The following SPRTN variants were observed in gnomAD, a reference collection of about 807,000 sequenced individuals.
SPRTN encodes DNA-dependent metalloprotease SPRTN.
SPRTN carries 11 observed loss-of-function variants against 31.9 expected under a neutral mutation model. The ratio of observed to expected loss-of-function variants is 0.34; its 90% CI spans 0.22 to 0.57. The LOEUF is 0.57. Ranked by LOEUF, SPRTN falls within the 20% of genes least tolerant of loss-of-function variation. The pLI is 0.86. For synonymous variants in SPRTN, 185 were observed against 212.1 expected (o/e 0.87, Z 1.11); for missense variants, 482 against 590.1 (o/e 0.82, Z 1.90).
At position 231,352,804 on chromosome 1, in the gene SPRTN, G is replaced by A. The variant is rs1171404872; in HGVS notation, c.913G>A (p.Glu305Lys). The change falls in exon 5 of 5, where the codon GAA (glutamate) becomes AAA (lysine). Residue 305 changes from glutamate (E) to lysine (K), a missense_variant. Around this residue, in one of 2 missense-constraint regions of SPRTN, gnomAD observed 325 missense variants for 350.2 expected, o/e 0.93. Coordinates refer to ENST00000295050, the MANE Select transcript of SPRTN (RefSeq NM_032018.7). The part of the protein sequence containing the change: ...RPNSKIKVKF[E>K]QNGSSKNSHL... ...TAATTCTAAAATCAAGGTGAAATTTGAACAGAATGGTTCAAGTAAAAATTC... is the reference window on the plus strand; with the variant it reads ...TAATTCTAAAATCAAGGTGAAATTTAAACAGAATGGTTCAAGTAAAAATTC... 3 of 1,613,794 alleles carry A rather than the reference G, an allele frequency of 1.9e-6. No homozygotes were observed. The highest frequency in any genetic ancestry group is 4.5e-5 in the East Asian group (2 of 44,868).
chr1:231,352,300 T>G, intron 4 of SPRTN: 1 of 1,058,736 alleles, frequency 9.4e-7, no homozygotes, highest in South Asian at 4.2e-5. Context: ...AGATTTTCCC[T>G]CCTGGAATTA....
At chr1:231,348,251 C>G (rs113050225) in intron 3 of SPRTN, among the ~76,000 whole-genome samples, 1,597 of 152,270 alleles carry the variant, frequency 0.01, 27 homozygotes, top group African/African-American at 0.036. Flanking sequence ...CATCCTGTAT[C>G]CTGCTACCAT....
At chr1:231,345,046 T>C (rs932113360) in intron 2 of SPRTN, among the ~76,000 whole-genome samples, 4 of 152,164 alleles carry the variant, frequency 2.6e-5, no homozygotes, top group Non-Finnish European at 5.9e-5. Context: ...CTCCCCACCA[T>C]ACAAAATTTT....
intron 2 of SPRTN, among the ~76,000 whole-genome samples, chr1:231,344,180 G>A (rs1432654010): frequency 6.6e-6 from 1 of 152,096 alleles, no homozygotes; most frequent in Non-Finnish European, 1.5e-5. Flanking sequence ...AGAAACTTTT[G>A]CAGTACCTTT....
chr1:231,347,758 T>C (rs1687104362), intron 2 of SPRTN, 39 bp from the exon 3 acceptor site: 1 of 1,583,070 alleles, frequency 6.3e-7, no homozygotes, highest in Non-Finnish European at 8.5e-7. Context: ...CAAAGTGTCA[T>C]ACAGACTCTA....
Position 231,352,715 on chromosome 1 carries a change from C to T in SPRTN, c.824C>T (p.Ser275Leu), listed in dbSNP as rs1687276790. The T allele has an allele frequency of 6.2e-7, 1 of 1,614,104 alleles. No individual in the cohort carries two copies. The highest frequency in any genetic ancestry group is 8.5e-7 in the Non-Finnish European group (1 of 1,180,000). Residue 275 changes from serine (S) to leucine (L), a missense_variant, in exon 5 of 5, where the codon TCA (serine) becomes TTA (leucine). By Grantham distance (145) the Ser-to-Leu change is moderately radical. Coordinates refer to ENST00000295050, the MANE Select transcript of SPRTN (RefSeq NM_032018.7). ...CCTTCACCTGGGAAACTGATCACTT[C>T]ACATGCCATTAATAAAACCCAAGAT... ...NLPSPGKLIT[S>L]HAINKTQDLL...
intron 3 of SPRTN, among the ~76,000 whole-genome samples, chr1:231,349,403 T>C (rs1489164556): frequency 6.6e-6 from 1 of 152,170 alleles, no homozygotes; most frequent in African/African-American, 2.4e-5. Flanking sequence ...AGACATAAAA[T>C]CCGGGTTAGC....
intron 2 of SPRTN, among the ~76,000 whole-genome samples, chr1:231,345,453 T>C (rs2102867088): frequency 6.6e-6 from 1 of 152,356 alleles, no homozygotes; most frequent in East Asian, 1.9e-4. Context: ...TAATACGCTC[T>C]ATAGCTTTCT....
intron 2 of SPRTN, among the ~76,000 whole-genome samples, chr1:231,347,501 T>C (rs1371592103): frequency 2.6e-5 from 4 of 152,082 alleles, no homozygotes; most frequent in African/African-American, 4.8e-5. Context: ...TAGCTGGGAT[T>C]ACAGGCATGC....
At position 231,351,644 on chromosome 1, in the gene SPRTN, G is replaced by A. The variant is rs773316809; in HGVS notation, c.718+73G>A. ...TGTAAAGACAATACTGTCCTTCAGA[G>A]AACTGGTATTAAGATAAACTTAAGG... is the stretch of plus-strand genomic sequence containing the variant. On this transcript the variant is annotated intron_variant, in intron 4 of 4. Transcript: ENST00000295050. 3.2e-6 allele frequency: 5 copies of A among 1,556,658 alleles called. No homozygotes were observed. The Admixed American group carries it at 9.7e-5, about 30-fold the overall frequency.
Position 231,352,675 on chromosome 1 carries a change from G to T in SPRTN, c.784G>T (p.Glu262Ter). 2 of 1,613,746 alleles carry T rather than the reference G, an allele frequency of 1.2e-6. No homozygotes were observed. The highest frequency in any genetic ancestry group is 1.7e-6 in the Non-Finnish European group (2 of 1,179,856). Residue 262 changes from glutamate to a stop codon, truncating the protein, a stop_gained, in exon 5 of 5, where the codon GAA becomes TAA. Coordinates refer to ENST00000295050, the MANE Select transcript of SPRTN (RefSeq NM_032018.7). LOFTEE classifies it low-confidence loss of function (END_TRUNC). ...TAGTGGGAAAGGATATGTTCTAGGA[G>T]AAACAAGCAATTTACCTTCACCTGG... ...PFSGKGYVLG[E>*]TSNLPSPGKL... is the part of the protein sequence containing the mutation.
intron 2 of SPRTN, among the ~76,000 whole-genome samples, chr1:231,342,743 AT>A (rs1211481182): frequency 7.0e-6 from 1 of 143,270 alleles, no homozygotes; most frequent in Non-Finnish European, 1.5e-5. Flanking sequence ...ATATTTATTT[AT>A]TTTTTTTTTG....
chr1:231,344,643 A>G, intron 2 of SPRTN: 1 of 243,304 alleles, frequency 4.1e-6, no homozygotes, highest in South Asian at 4.8e-5. Context: ...TAAGACTAAA[A>G]TTCATTAATG....
rs184987420 is a variant in SPRTN at position 231,348,124 on chromosome 1, C to T, written c.450+199C>T. Among the ~76,000 whole-genome samples, 1,070 of 152,314 alleles carry T rather than the reference C, an allele frequency of 7.0e-3. 14 individuals carry two copies. Among genetic ancestry groups the T allele is most frequent in the African/African-American group, 0.025 (1,021 of 41,562 alleles). ...AGCAGAGCCAGTGATATCCCTGAGGCCTCTGACCTCTTCTGAGTCAACATT... is the reference window on the plus strand; with the variant it reads ...AGCAGAGCCAGTGATATCCCTGAGGTCTCTGACCTCTTCTGAGTCAACATT... On this transcript the variant is annotated intron_variant, in intron 3 of 4. Coordinates refer to ENST00000295050, the MANE Select transcript of SPRTN (RefSeq NM_032018.7).
In SPRTN at chr1:231,338,425, G is replaced by A. The variant is rs1310534914; in HGVS notation, c.42G>A (p.Glu14=). 1 of 1,614,304 alleles carries A rather than the reference G, an allele frequency of 6.2e-7. No homozygotes were observed. Among genetic ancestry groups the A allele is most frequent in the Non-Finnish European group, 8.5e-7 (1 of 1,180,054 alleles). ...DLMLALRLQE[E]WNLQEAERDH... Reference sequence around the variant, plus strand: ...TGTTGGCACTGCGGCTTCAGGAGGAGTGGAACTTGCAGGAGGCGGAGCGCG... The same window carrying A: ...TGTTGGCACTGCGGCTTCAGGAGGAATGGAACTTGCAGGAGGCGGAGCGCG... Residue 14 remains glutamate, a synonymous_variant, in exon 1 of 5, where the codon GAG becomes GAA. Coordinates refer to ENST00000295050, the MANE Select transcript of SPRTN (RefSeq NM_032018.7).
In SPRTN at chr1:231,339,768, G is replaced by T; in HGVS notation, c.222-1G>T. 1 of 1,614,080 alleles carries T rather than the reference G, an allele frequency of 6.2e-7. No individual in the cohort carries two copies. On this transcript the variant is annotated splice_acceptor_variant, in intron 1 of 4. Coordinates refer to ENST00000295050, the MANE Select transcript of SPRTN (RefSeq NM_032018.7). LOFTEE classifies it high-confidence loss of function. ...ACATTTTTATGGTGATTGTTTTCTAGGTGTGCTGGGATATGCAGCTATGAA... is the reference window on the plus strand; with the variant it reads ...ACATTTTTATGGTGATTGTTTTCTATGTGTGCTGGGATATGCAGCTATGAA...
intron 2 of SPRTN, among the ~76,000 whole-genome samples, chr1:231,341,201 A>G (rs1686879046): frequency 6.6e-6 from 1 of 151,946 alleles, no homozygotes; most frequent in Admixed American, 6.6e-5. Flanking sequence ...ACATGCTTAC[A>G]GTAAAGACAC....
chr1:231,348,863 A>G (rs1558366173), intron 3 of SPRTN, among the ~76,000 whole-genome samples: 1 of 152,208 alleles, frequency 6.6e-6, no homozygotes, highest in African/African-American at 2.4e-5. Context: ...TACTGAATTG[A>G]ATATTAATAG....
chr1:231,343,697 C>T (rs1686970333), intron 2 of SPRTN, among the ~76,000 whole-genome samples: 1 of 152,078 alleles, frequency 6.6e-6, no homozygotes, highest in South Asian at 2.1e-4. Context: ...TGTCCCAGGT[C>T]TCATGCTGTG....
Sources: allele counts gnomAD v4.1 joint callset (sites outside exome capture counted in the v4.1 genomes callset), GRCh38; gene constraint gnomAD v4.1.1; regional missense constraint gnomAD v4.1.1; transcripts MANE v1.5; gene names NCBI Gene and HGNC (gene_info 2026-07-23, HGNC 2026-07-21).